Variants in NRXN1 observed in about 807,000 individuals in gnomAD.
NRXN1 encodes the protein neurexin-1.
NRXN1 carries 39 observed loss-of-function variants against 150.9 expected under a neutral mutation model. That is an observed-to-expected ratio of 0.26 (90% confidence interval 0.20 to 0.34). NRXN1 has a LOEUF of 0.34. NRXN1 is among the 10% of genes least tolerant of loss of function. The pLI is 1.00. For missense variants in NRXN1, 1,815 were observed against 1,949.9 expected, an observed-to-expected ratio of 0.93 and a Z score of 1.30; for synonymous variants, 924 against 757.0, an observed-to-expected ratio of 1.22 and a Z score of -3.62.
At chr2:50,448,218 C>A (rs2086632486) in intron 17 of NRXN1, among the ~76,000 whole-genome samples, 1 of 152,138 alleles carries the variant, frequency 6.6e-6, no homozygotes, top group African/African-American at 2.4e-5. Context: ...GTTCTTTCCT[C>A]ATTAGCTGTG....
chr2:50,552,648 C>A lies in NRXN1; in HGVS notation c.1698G>T (p.Leu566=). ...ATTCTCCATCATTCACTTTCTTCAA[C>A]AGGGCTTTTATTTTTATAGTACCTG... ...MGSGTIKIKA[L]LKKVNDGEWY... Residue 566 remains leucine, a synonymous_variant, in exon 9 of 23, where the codon CTG becomes CTT. Transcript: ENST00000401669. 1 of 1,613,912 alleles carries A rather than the reference C, an allele frequency of 6.2e-7. No individual in the cohort carries two copies. The highest frequency in any genetic ancestry group is 8.5e-7 in the Non-Finnish European group (1 of 1,179,836).
At chr2:50,137,940 T>C (rs946290840) in intron 18 of NRXN1, among the ~76,000 whole-genome samples, 7 of 152,208 alleles carry the variant, frequency 4.6e-5, no homozygotes, top group African/African-American at 1.4e-4. Flanking sequence ...TGACGGAAAA[T>C]GAGACATTTT....
In NRXN1 at chr2:49,973,972, A is replaced by G. The variant is rs9636391; in HGVS notation, c.4129-30181T>C. On this transcript the variant is annotated intron_variant, in intron 21 of 22. Coordinates refer to ENST00000401669, the MANE Select transcript of NRXN1 (RefSeq NM_001330078.2). ...GGCTGTGACAGAAGAAGCTACCTGC[A>G]AGTTTTCACAGTGCCATCTCATATC... is the stretch of plus-strand genomic sequence containing the variant. 0.84 allele frequency: 603,652 copies of G among 717,118 alleles called. 254,615 individuals are homozygous for G. The highest frequency in any genetic ancestry group is 0.89 in the Admixed American group (44,694 of 49,988). 44.4% of individuals were successfully genotyped at this position (717,118 alleles called of 1,614,324 possible). A position where few individuals can be genotyped will look rare whatever the true frequency, so the allele number is the denominator to read the frequency against.
intron 5 of NRXN1, among the ~76,000 whole-genome samples, chr2:50,897,511 A>G (rs1488274857): frequency 6.6e-6 from 1 of 152,216 alleles, no homozygotes; most frequent in East Asian, 1.9e-4. Flanking sequence ...CTTGATATTA[A>G]TAAGAACATG....
chr2:50,422,308 T>C (rs1383800741), intron 17 of NRXN1, among the ~76,000 whole-genome samples: 1 of 152,146 alleles, frequency 6.6e-6, no homozygotes, highest in Non-Finnish European at 1.5e-5. Context: ...CCATGAATTC[T>C]AACTATAGCC....
chr2:50,906,452 T>C (rs1683686303), intron 5 of NRXN1, among the ~76,000 whole-genome samples: 1 of 152,106 alleles, frequency 6.6e-6, no homozygotes, highest in South Asian at 2.1e-4. Context: ...TTAGCACATA[T>C]CAAATCTATT....
At chr2:50,826,962 G>C (rs1230573774) in intron 5 of NRXN1, among the ~76,000 whole-genome samples, 1 of 152,202 alleles carries the variant, frequency 6.6e-6, no homozygotes, top group East Asian at 1.9e-4. Context: ...GAAGCCAACA[G>C]AGCAGAAGTC....
chr2:50,828,773 T>C (rs113459500), intron 5 of NRXN1, among the ~76,000 whole-genome samples: 24,709 of 149,096 alleles, frequency 0.17, 2,221 homozygotes, highest in Middle Eastern at 0.2. Flanking sequence ...GGGCTCCTCA[T>C]GTCCCAGACG....
chr2:50,715,328 G>C (rs2105076183), intron 5 of NRXN1, among the ~76,000 whole-genome samples: 1 of 152,178 alleles, frequency 6.6e-6, no homozygotes, highest in South Asian at 2.1e-4. Flanking sequence ...CTGTATTCTG[G>C]TGCTTTCTAG....
Position 50,096,578 on chromosome 2 carries a change from G to C in NRXN1, c.3547-5084C>G, listed in dbSNP as rs972323555. Among the ~76,000 whole-genome samples the C allele has an allele frequency of 2.0e-5, 3 of 152,204 alleles. No homozygotes were observed. In the East Asian group the frequency reaches 5.8e-4, roughly 29 times the overall value. ...GTCTTTATCTCCCTGTACATGTCTT[G>C]ATCTCCCTGTACTGTATATTCCTTG... On this transcript the variant is annotated intron_variant, in intron 18 of 22. Transcript: ENST00000401669.
chr2:50,666,878 GA>G (rs35333445), intron 5 of NRXN1, among the ~76,000 whole-genome samples: 34,549 of 127,614 alleles, frequency 0.27, 4,384 homozygotes, highest in East Asian at 0.46. Context: ...TGATGATGAT[GA>G]TGTGTGTGTG....
chr2:50,122,095 G>A (rs1380482329), intron 18 of NRXN1, among the ~76,000 whole-genome samples: 2 of 152,166 alleles, frequency 1.3e-5, no homozygotes, highest in Non-Finnish European at 2.9e-5. Context: ...TTCAAGTCTA[G>A]GCAGACAAGC....
chr2:50,017,836 C>T (rs544144494), intron 21 of NRXN1, among the ~76,000 whole-genome samples: 1 of 152,198 alleles, frequency 6.6e-6, no homozygotes, highest in South Asian at 2.1e-4. Flanking sequence ...TCCTTCTGCA[C>T]CATCAAAGAC....
At chr2:50,479,201 C>T (rs566141556) in intron 15 of NRXN1, among the ~76,000 whole-genome samples, 92 of 152,296 alleles carry the variant, frequency 6.0e-4, no homozygotes, top group Non-Finnish European at 7.2e-4. Flanking sequence ...CTATCTTCGC[C>T]CCACAGTCCG....
At chr2:50,564,175 T>C (rs572544781) in intron 8 of NRXN1, among the ~76,000 whole-genome samples, 24 of 152,218 alleles carry the variant, frequency 1.6e-4, no homozygotes, top group Non-Finnish European at 3.2e-4. Flanking sequence ...TGAAATAATT[T>C]CCCTCTTTAT....
chr2:50,634,327 T>C (rs1034753798), intron 5 of NRXN1, among the ~76,000 whole-genome samples: 4 of 152,226 alleles, frequency 2.6e-5, no homozygotes, highest in African/African-American at 9.6e-5. Flanking sequence ...TATGAAATTA[T>C]ACATATCTGG....
intron 5 of NRXN1, among the ~76,000 whole-genome samples, chr2:50,731,597 T>C (rs1335954361): frequency 6.6e-6 from 1 of 152,160 alleles, no homozygotes; most frequent in African/African-American, 2.4e-5. Flanking sequence ...AGTTAAGGGA[T>C]AATGTGCATT....
At chr2:49,953,969 C>T (rs1224987515) in intron 21 of NRXN1, among the ~76,000 whole-genome samples, 1 of 151,830 alleles carries the variant, frequency 6.6e-6, no homozygotes, top group African/African-American at 2.4e-5. Flanking sequence ...CACATGTATA[C>T]CTATGTAACA....
chr2:50,239,271 T>G (rs1463031064), intron 17 of NRXN1, among the ~76,000 whole-genome samples: 1 of 151,814 alleles, frequency 6.6e-6, no homozygotes, highest in Non-Finnish European at 1.5e-5. Flanking sequence ...TATCTCTGAG[T>G]GCTGATACTT....
Sources: allele counts gnomAD v4.1 joint callset (sites outside exome capture counted in the v4.1 genomes callset), GRCh38; gene constraint gnomAD v4.1.1; transcripts MANE v1.5; gene names NCBI Gene and HGNC (gene_info 2026-07-23, HGNC 2026-07-21).